PCDHGB5: variants seen among roughly 807,000 people sequenced by gnomAD.
The protein encoded by PCDHGB5 is protocadherin gamma-B5.
A neutral mutation model predicts 62.9 loss-of-function variants in PCDHGB5; 48 were observed. The ratio of observed to expected loss-of-function variants is 0.76; its 90% CI spans 0.61 to 0.97. The LOEUF is 0.97. PCDHGB5 is among the 50% of genes least tolerant of loss of function. The probability of loss-of-function intolerance (pLI) is 0.00; values close to 1 mark genes in which losing one functional copy is unlikely to be tolerated. For missense variants in PCDHGB5, 1,118 were observed against 1,198.6 expected, an observed-to-expected ratio of 0.93 and a Z score of 0.99; for synonymous variants, 474 against 511.2, an observed-to-expected ratio of 0.93 and a Z score of 0.98.
chr5:141,485,247 G>T lies in PCDHGB5; in HGVS notation c.2398-9560G>T. On this transcript the variant is annotated intron_variant, in intron 1 of 3. Coordinates refer to ENST00000617380, the MANE Select transcript of PCDHGB5 (RefSeq NM_018925.3). The surrounding 1 kb of genome is among the most constrained non-coding windows in gnomAD (Gnocchi z 5.7). ...CTTTTGTTCCTCTTTTACCACCTGG[G>T]TTACGTTTGTGGGCAGATCCGCTAC... The T allele has an allele frequency of 2.5e-6, 4 of 1,614,156 alleles. No individual in the cohort carries two copies. The highest frequency in any genetic ancestry group is 3.4e-6 in the Non-Finnish European group (4 of 1,180,010).
In PCDHGB5 at chr5:141,422,867, T is replaced by C. The variant is rs116031289; in HGVS notation, c.2397+22343T>C. On this transcript the variant is annotated intron_variant, in intron 1 of 3. Coordinates refer to ENST00000617380, the MANE Select transcript of PCDHGB5 (RefSeq NM_018925.3). Reference sequence around the variant, plus strand: ...GGGGACCCGCCCCTCAGCAGCAACGTGTCGCTGAGCCTGTTCGTGCTGGAC... The same window carrying C: ...GGGGACCCGCCCCTCAGCAGCAACGCGTCGCTGAGCCTGTTCGTGCTGGAC... 1.5e-3 allele frequency: 2,464 copies of C among 1,614,218 alleles called. 37 individuals are homozygous for C. In the African/African-American group the frequency reaches 0.029, roughly 19 times the overall value.
intron 1 of PCDHGB5, among the ~76,000 whole-genome samples, chr5:141,482,633 G>T (rs1218163238): frequency 2.0e-5 from 3 of 151,784 alleles, no homozygotes; most frequent in Non-Finnish European, 2.9e-5. Flanking sequence ...AGGAAGAAAT[G>T]ATAGAGGTGG....
At chr5:141,495,419 C>A (rs1434107823) in intron 2 of PCDHGB5, among the ~76,000 whole-genome samples, 1 of 152,228 alleles carries the variant, frequency 6.6e-6, no homozygotes, top group Non-Finnish European at 1.5e-5. Context: ...CCGGCCCCTC[C>A]TCCCACTGTC....
intron 1 of PCDHGB5, chr5:141,414,168 T>C: frequency 6.2e-7 from 1 of 1,605,598 alleles, no homozygotes; most frequent in Non-Finnish European, 8.5e-7. Context: ...GAGGAGCATA[T>C]CTTGCAACTG....
At chr5:141,410,481 G>A in intron 1 of PCDHGB5, 2 of 1,613,966 alleles carry the variant, frequency 1.2e-6, no homozygotes, top group Non-Finnish European at 1.7e-6. Context: ...GCACATACGG[G>A]TACAAAAGAG....
Position 141,490,854 on chromosome 5 carries a change from C to T in PCDHGB5, c.2398-3953C>T. On this transcript the variant is annotated intron_variant, in intron 1 of 3. Transcript: ENST00000617380. The surrounding 1 kb of genome is among the most constrained non-coding windows in gnomAD (Gnocchi z 5.4). The stretch of plus-strand genomic sequence containing the variant: ...TGCAGATTGTGGTGGGGGTTCGAGA[C>T]TCCGGCTCTCCCCCATTGCATGCCA... 6.2e-7 allele frequency: 1 copy of T among 1,613,900 alleles called. No homozygotes were observed. The highest frequency in any genetic ancestry group is 8.5e-7 in the Non-Finnish European group (1 of 1,179,914).
chr5:141,438,651 CAT>C (rs2098045358), intron 1 of PCDHGB5, among the ~76,000 whole-genome samples: 1 of 83,744 alleles, frequency 1.2e-5, no homozygotes, highest in East Asian at 3.2e-4. Context: ...CACACACACA[CAT>C]ATATGTATAT....
intron 1 of PCDHGB5, chr5:141,441,662 C>T: frequency 3.8e-6 from 1 of 260,740 alleles, no homozygotes; most frequent in Non-Finnish European, 7.7e-6. Flanking sequence ...TGTCCTTGAG[C>T]GCACAGTGCG....
chr5:141,476,040 G>T lies in PCDHGB5; in HGVS notation c.2398-18767G>T. On this transcript the variant is annotated intron_variant, in intron 1 of 3. Coordinates refer to ENST00000617380, the MANE Select transcript of PCDHGB5 (RefSeq NM_018925.3). This position sits in a 1 kb window ranked among gnomAD's most constrained non-coding sequence, Gnocchi z 7.6. ...CGGACTCGGCGCCCAGCGCCCAAGC[G>T]CTAACCCGCTGAAAGTTTCTCAGCG... is the stretch of plus-strand genomic sequence containing the variant. 1 of 1,488,704 alleles carries T rather than the reference G, an allele frequency of 6.7e-7. No homozygotes were observed. 92.2% of individuals were successfully genotyped at this position (1,488,704 alleles called of 1,614,324 possible).
chr5:141,505,625 C>T, intron 3 of PCDHGB5, 144 bp downstream of exon 3: 1 of 1,489,114 alleles, frequency 6.7e-7, no homozygotes, highest in Non-Finnish European at 9.0e-7. Context: ...CCCACAATTC[C>T]AAACATAAAG....
At chr5:141,507,380 C>G (rs984406173) in intron 3 of PCDHGB5, 1 of 151,954 alleles carries the variant, frequency 6.6e-6, no homozygotes, top group African/African-American at 2.4e-5. Flanking sequence ...CTTTTATTTA[C>G]TAAATCTGGC....
chr5:141,511,598 A>C lies in PCDHGB5; in HGVS notation c.*425A>C. ...GGTTGGGGTGTTGAAGTACCAAGTA[A>C]CCTACAAGCCTCCTAGTTCTGAAAA... On this transcript the variant is annotated 3_prime_UTR_variant, in exon 4 of 4. Transcript: ENST00000617380. 3.9e-6 allele frequency: 1 copy of C among 255,742 alleles called. No individual in the cohort carries two copies. The highest frequency in any genetic ancestry group is 7.8e-6 in the Non-Finnish European group (1 of 127,952). The allele number at this position is 255,742 out of a possible 1,614,324, so 15.8% of individuals were successfully genotyped here.
intron 1 of PCDHGB5, chr5:141,423,833 T>G: frequency 1.8e-5 from 23 of 1,262,362 alleles, no homozygotes; most frequent in East Asian, 7.3e-5. Flanking sequence ...TTCATGAGAT[T>G]ACGATAATCT....
Position 141,451,680 on chromosome 5 carries a change from A to G in PCDHGB5, c.2398-43127A>G, listed in dbSNP as rs189200375. Among the ~76,000 whole-genome samples, 85 of 152,310 alleles carry G rather than the reference A, an allele frequency of 5.6e-4. 1 individual carries two copies. The East Asian group carries it at 0.012, about 21-fold the overall frequency. On this transcript the variant is annotated intron_variant, in intron 1 of 3. Coordinates refer to ENST00000617380, the MANE Select transcript of PCDHGB5 (RefSeq NM_018925.3). The stretch of plus-strand genomic sequence containing the variant: ...GTGGACTGCTTGAGCCCAGGAGTTC[A>G]AGACCAGCCTGGGTAACATGACAAA...
At position 141,399,995 on chromosome 5, in the gene PCDHGB5, G is replaced by T. The variant is rs1042095164; in HGVS notation, c.1868G>T (p.Arg623Leu). Residue 623 changes from arginine (R) to leucine (L), a missense_variant, in exon 1 of 4, where the codon CGC becomes CTC. Around this residue, in one of 2 missense-constraint regions of PCDHGB5, gnomAD observed 1,034 missense variants for 1,029.1 expected, o/e 1.00. Coordinates refer to ENST00000617380, the MANE Select transcript of PCDHGB5 (RefSeq NM_018925.3). ...FSLGLRTGEV[R>L]TARALGDRDA... ...CTGGGGCTGCGCACAGGAGAGGTGCGCACAGCGCGTGCCTTGGGCGACAGG... is the reference window on the plus strand; with the variant it reads ...CTGGGGCTGCGCACAGGAGAGGTGCTCACAGCGCGTGCCTTGGGCGACAGG... The T allele has an allele frequency of 1.9e-6, 3 of 1,612,094 alleles. No individual in the cohort carries two copies. The highest frequency in any genetic ancestry group is 2.5e-6 in the Non-Finnish European group (3 of 1,179,608).
intron 1 of PCDHGB5, among the ~76,000 whole-genome samples, chr5:141,437,034 C>T (rs1282216386): frequency 1.3e-5 from 2 of 152,194 alleles, no homozygotes. Context: ...AAATGGATCA[C>T]CGAAACCAGA....
chr5:141,430,509 G>T, intron 1 of PCDHGB5: 1 of 328,564 alleles, frequency 3.0e-6, no homozygotes. Flanking sequence ...GGGAGTTCAA[G>T]ATTGTGCAGT....
In PCDHGB5 at chr5:141,419,703, G is replaced by C. The variant is rs2096418539; in HGVS notation, c.2397+19179G>C. 1 of 1,612,946 alleles carries C rather than the reference G, an allele frequency of 6.2e-7. No individual in the cohort carries two copies. The highest frequency in any genetic ancestry group is 1.3e-5 in the African/African-American group (1 of 74,946). The stretch of plus-strand genomic sequence containing the variant: ...CACGTGGTGCAGGCCAGTGAGCCCG[G>C]GCTCTTCAGCCTGGGGCTGCGAACA... On this transcript the variant is annotated intron_variant, in intron 1 of 3. Coordinates refer to ENST00000617380, the MANE Select transcript of PCDHGB5 (RefSeq NM_018925.3).
intron 2 of PCDHGB5, among the ~76,000 whole-genome samples, chr5:141,497,006 T>C (rs947830895): frequency 1.3e-5 from 2 of 151,678 alleles, no homozygotes; most frequent in South Asian, 2.1e-4. Context: ...GCAGCCAACA[T>C]GGTGAAACCC....
Sources: gnomAD v4.1 joint callset for allele counts (sites outside exome capture counted in the v4.1 genomes callset) on GRCh38, gnomAD v4.1.1 for gene constraint, gnomAD v4.1.1 regional missense constraint, Gnocchi (gnomAD v3.1) non-coding constraint, MANE v1.5 for transcripts, NCBI Gene and HGNC (gene_info 2026-07-23, HGNC 2026-07-21) for gene names.